The following SYCP2L variants were observed in gnomAD, a reference collection of about 807,000 sequenced individuals.
The protein encoded by SYCP2L is synaptonemal complex protein 2-like.
SYCP2L carries 98 observed loss-of-function variants against 125.8 expected under a neutral mutation model. The ratio of observed to expected loss-of-function variants is 0.78; its 90% CI spans 0.66 to 0.92. The LOEUF (loss-of-function observed/expected upper bound fraction) is 0.92. Ranked by LOEUF, SYCP2L falls within the 40% of genes least tolerant of loss-of-function variation. The pLI, the probability that SYCP2L is intolerant of heterozygous loss-of-function variation, is 0.00. For missense variants in SYCP2L, 842 were observed against 936.4 expected (o/e 0.90, Z 1.32); for synonymous variants, 317 against 325.4 (o/e 0.97, Z 0.28).
chr6:10,901,286 G>A (rs1780372977), intron 6 of SYCP2L, among the ~76,000 whole-genome samples: 1 of 152,118 alleles, frequency 6.6e-6, no homozygotes, highest in Admixed American at 6.5e-5. Context: ...AAGAGTATTA[G>A]GCTGTGAGAG....
intron 10 of SYCP2L, among the ~76,000 whole-genome samples, chr6:10,909,034 A>C (rs993447894): frequency 2.0e-5 from 3 of 152,086 alleles, no homozygotes; most frequent in African/African-American, 7.2e-5. Context: ...CATTTGCAGG[A>C]AAATTTGATG....
At chr6:10,891,663 G>T in intron 2 of SYCP2L, 82 bp downstream of exon 2, 2 of 818,726 alleles carry the variant, frequency 2.4e-6, no homozygotes, top group Middle Eastern at 3.5e-4. Context: ...GTGTGTGTGT[G>T]TATGTGTATA....
chr6:10,915,426 T>C lies in SYCP2L; in HGVS notation c.1072+2499T>C, dbSNP rs1373791054. On this transcript the variant is annotated intron_variant, in intron 14 of 29. Coordinates refer to ENST00000283141, the MANE Select transcript of SYCP2L (RefSeq NM_001040274.3). ...TTCTCAGATGGAATGCTTTCAACTC[T>C]TCCCCATTCGGTATTATGTTGGCTA... Among the ~76,000 whole-genome samples, 4 of 152,330 alleles carry C rather than the reference T, an allele frequency of 2.6e-5. No homozygotes were observed. The South Asian group carries it at 6.2e-4, about 24-fold the overall frequency.
chr6:10,967,770 A>G (rs1218230220), intron 29 of SYCP2L, among the ~76,000 whole-genome samples: 1 of 152,220 alleles, frequency 6.6e-6, no homozygotes, highest in African/African-American at 2.4e-5. Flanking sequence ...ATCATTAACA[A>G]TAATTTCGGT....
chr6:10,902,585 C>T (rs576183167), intron 6 of SYCP2L, 92 bp from the exon 7 acceptor site: 21 of 1,049,048 alleles, frequency 2.0e-5, no homozygotes, highest in East Asian at 1.8e-4. Flanking sequence ...AAAGCCAGAA[C>T]GACATCCTTA....
At chr6:10,911,062 T>TGG (rs2113319805) in intron 12 of SYCP2L, among the ~76,000 whole-genome samples, 193 bp downstream of exon 12, 1 of 152,288 alleles carries the variant, frequency 6.6e-6, no homozygotes, top group African/African-American at 2.4e-5. Flanking sequence ...ACCAGTAAGT[T>TGG]TAAGGCCTCT....
At chr6:10,969,485 C>A (rs377427539) in intron 29 of SYCP2L, among the ~76,000 whole-genome samples, 159 of 151,596 alleles carry the variant, frequency 1.0e-3, no homozygotes, top group African/African-American at 3.6e-3. Flanking sequence ...CTCAGCCTCC[C>A]GAGTAGCTGG....
intron 14 of SYCP2L, among the ~76,000 whole-genome samples, chr6:10,920,866 T>TGTGCAGGATGTACAGGTTTGTTACATAG (rs1561687858): frequency 4.6e-5 from 7 of 151,908 alleles, no homozygotes; most frequent in Non-Finnish European, 1.0e-4. Flanking sequence ...CATGGGTACA[T>TGTGCAGGATGTACAGGTTTGTTACATAG]GTGCAGGATG....
intron 6 of SYCP2L, among the ~76,000 whole-genome samples, chr6:10,900,904 T>A (rs1402098168): frequency 6.6e-6 from 1 of 152,222 alleles, no homozygotes; most frequent in Non-Finnish European, 1.5e-5. Flanking sequence ...CTTTGACAGT[T>A]GTCTTGTGCG....
intron 29 of SYCP2L, among the ~76,000 whole-genome samples, chr6:10,970,075 A>G (rs1327135691): frequency 6.6e-6 from 1 of 152,184 alleles, no homozygotes; most frequent in Admixed American, 6.5e-5. Context: ...ATGAGGATTC[A>G]TGCCAGTGCT....
intron 21 of SYCP2L, among the ~76,000 whole-genome samples, chr6:10,935,547 C>G (rs377194454): frequency 1.3e-5 from 2 of 151,714 alleles, no homozygotes; most frequent in Non-Finnish European, 2.9e-5. Flanking sequence ...TTTTTTGACA[C>G]GGAGTCTTGC....
Position 10,912,732 on chromosome 6 carries a change from TC to T in SYCP2L, c.979del (p.Gln327ArgfsTer7). ...KFWIDFNLGS[Q>X]SVTFYIDNAE... Reference sequence around the variant, plus strand: ...TTTGGATCGACTTCAACCTAGGAAGTCAGAGTGTCACTTTTTATATAGACAA... The same window carrying T: ...TTTGGATCGACTTCAACCTAGGAAGTAGAGTGTCACTTTTTATATAGACAA... On this transcript the variant is annotated frameshift_variant, in exon 13 of 30. Coordinates refer to ENST00000283141, the MANE Select transcript of SYCP2L (RefSeq NM_001040274.3). LOFTEE classifies it high-confidence loss of function. This position sits in a 1 kb window ranked among gnomAD's most constrained non-coding sequence, Gnocchi z 4.1. 2 of 1,613,830 alleles carry T rather than the reference TC, an allele frequency of 1.2e-6. No individual in the cohort carries two copies. The highest frequency in any genetic ancestry group is 1.7e-6 in the Non-Finnish European group (2 of 1,179,948).
At chr6:10,913,704 A>C (rs1780644285) in intron 14 of SYCP2L, among the ~76,000 whole-genome samples, 1 of 152,158 alleles carries the variant, frequency 6.6e-6, no homozygotes, top group Non-Finnish European at 1.5e-5. Flanking sequence ...TTTGCCACGC[A>C]AAAGATCTTT....
intron 14 of SYCP2L, among the ~76,000 whole-genome samples, chr6:10,917,730 T>G (rs986756412): frequency 6.6e-6 from 1 of 152,150 alleles, no homozygotes; most frequent in Non-Finnish European, 1.5e-5. Context: ...ATATTGTATT[T>G]TTGTTTTATA....
intron 21 of SYCP2L, among the ~76,000 whole-genome samples, chr6:10,937,218 T>C (rs1052213814): frequency 2.6e-5 from 4 of 152,158 alleles, no homozygotes; most frequent in African/African-American, 7.2e-5. Context: ...CTTAACAAAT[T>C]TGAAAAGATT....
intron 15 of SYCP2L, among the ~76,000 whole-genome samples, chr6:10,925,890 G>A (rs899327506): frequency 1.4e-4 from 21 of 152,084 alleles, no homozygotes; most frequent in Non-Finnish European, 2.9e-5. Flanking sequence ...GAATAATAAC[G>A]TTTTGAGGGG....
At chr6:10,957,448 TACCA>T (rs1781519293) in intron 25 of SYCP2L, among the ~76,000 whole-genome samples, 1 of 152,160 alleles carries the variant, frequency 6.6e-6, no homozygotes, top group Non-Finnish European at 1.5e-5. Context: ...ACAACTGAAC[TACCA>T]GAAAGCAATG....
intron 23 of SYCP2L, among the ~76,000 whole-genome samples, chr6:10,949,004 T>G (rs1781363615): frequency 6.6e-6 from 1 of 152,122 alleles, no homozygotes; most frequent in Admixed American, 6.5e-5. Context: ...TGTTTCCTTT[T>G]TATTGTGTAC....
At position 10,906,018 on chromosome 6, in the gene SYCP2L, A is replaced by G; in HGVS notation, c.642-2A>G. 6.3e-7 allele frequency: 1 copy of G among 1,596,874 alleles called. No individual in the cohort carries two copies. The highest frequency in any genetic ancestry group is 8.6e-7 in the Non-Finnish European group (1 of 1,167,106). ...TAAATGTGATTTATCTAAATGTTTC[A>G]GGAAAGACCTTGCAAGGACACTCTT... On this transcript the variant is annotated splice_acceptor_variant, in intron 8 of 29. Coordinates refer to ENST00000283141, the MANE Select transcript of SYCP2L (RefSeq NM_001040274.3). LOFTEE classifies it high-confidence loss of function.
Sources: gnomAD v4.1 joint callset for allele counts (sites outside exome capture counted in the v4.1 genomes callset) on GRCh38, gnomAD v4.1.1 for gene constraint, Gnocchi (gnomAD v3.1) non-coding constraint, MANE v1.5 for transcripts, NCBI Gene and HGNC (gene_info 2026-07-23, HGNC 2026-07-21) for gene names.